MAP4K3: variants seen among roughly 807,000 people sequenced by gnomAD.
MAP4K3 encodes the protein MAPK/ERK kinase kinase kinase 3.
MAP4K3 carries 94 observed loss-of-function variants against 143.5 expected under a neutral mutation model. That is an observed-to-expected ratio of 0.65 (90% CI 0.55 to 0.78). MAP4K3 has a LOEUF of 0.78. MAP4K3 is among the 30% of genes least tolerant of loss of function. The probability of loss-of-function intolerance (pLI) is 0.00; values close to 1 mark genes in which losing one functional copy is unlikely to be tolerated. For missense variants in MAP4K3, 1,077 were observed against 1,068.1 expected, an observed-to-expected ratio of 1.01 and a Z score of -0.12; for synonymous variants, 416 against 347.2, an observed-to-expected ratio of 1.20 and a Z score of -2.20.
chr2:39,370,703 A>G (rs1666056603), intron 2 of MAP4K3, among the ~76,000 whole-genome samples: 1 of 152,214 alleles, frequency 6.6e-6, no homozygotes, highest in South Asian at 2.1e-4. Context: ...TATCAACCTC[A>G]GTAGTTTTCA....
At chr2:39,430,743 T>C (rs543189400) in intron 1 of MAP4K3, among the ~76,000 whole-genome samples, 1 of 152,324 alleles carries the variant, frequency 6.6e-6, no homozygotes, top group South Asian at 2.1e-4. Context: ...ATAACAATTA[T>C]GAACATTGCT....
At chr2:39,305,286 G>A (rs1211479076) in intron 15 of MAP4K3, among the ~76,000 whole-genome samples, 1 of 152,068 alleles carries the variant, frequency 6.6e-6, no homozygotes, top group African/African-American at 2.4e-5. Flanking sequence ...ACTTTAAAAA[G>A]GTGGGGGGCC....
chr2:39,350,083 G>C (rs967664859), intron 3 of MAP4K3, among the ~76,000 whole-genome samples: 1 of 152,174 alleles, frequency 6.6e-6, no homozygotes, highest in African/African-American at 2.4e-5. Context: ...GAGGACAGGG[G>C]TACTAATATT....
At chr2:39,384,367 G>A (rs998301751) in intron 1 of MAP4K3, among the ~76,000 whole-genome samples, 2 of 152,162 alleles carry the variant, frequency 1.3e-5, no homozygotes, top group African/African-American at 4.8e-5. Context: ...CCAATATGAT[G>A]AAACACCATC....
At chr2:39,425,961 T>C (rs1422826594) in intron 1 of MAP4K3, among the ~76,000 whole-genome samples, 2 of 152,202 alleles carry the variant, frequency 1.3e-5, no homozygotes, top group Non-Finnish European at 2.9e-5. Flanking sequence ...ATATTAAAAT[T>C]AGTGGGTACA....
intron 29 of MAP4K3, among the ~76,000 whole-genome samples, chr2:39,260,355 A>T (rs1680517601): frequency 6.6e-6 from 1 of 152,058 alleles, no homozygotes; most frequent in Non-Finnish European, 1.5e-5. Flanking sequence ...GACTCAAGCG[A>T]TCTTCTCACC....
At chr2:39,280,122 G>A in intron 23 of MAP4K3, 150 bp downstream of exon 23, 1 of 486,834 alleles carries the variant, frequency 2.1e-6, no homozygotes, top group East Asian at 3.2e-5. Flanking sequence ...ACAGCACAAA[G>A]AAACATATTT....
chr2:39,417,292 T>G (rs1168838220), intron 1 of MAP4K3, among the ~76,000 whole-genome samples: 1 of 151,228 alleles, frequency 6.6e-6, no homozygotes, highest in Non-Finnish European at 1.5e-5. Flanking sequence ...CAATCTCGGC[T>G]CACTGCAAGC....
intron 30 of MAP4K3, 25 bp downstream of exon 30, chr2:39,258,494 A>G: frequency 6.2e-7 from 1 of 1,606,382 alleles, no homozygotes; most frequent in Non-Finnish European, 8.5e-7. Context: ...TTATTAAAGT[A>G]AGACATTCAT....
intron 1 of MAP4K3, among the ~76,000 whole-genome samples, chr2:39,383,616 GAATTATTAAT>G (rs1666410361): frequency 2.0e-5 from 3 of 151,866 alleles, no homozygotes; most frequent in African/African-American, 7.3e-5. Context: ...TGTACCGGTA[GAATTATTAAT>G]AATTCTACCA....
chr2:39,269,244 AATG>A (rs1412872816), intron 26 of MAP4K3, among the ~76,000 whole-genome samples: 6 of 152,034 alleles, frequency 3.9e-5, no homozygotes, highest in African/African-American at 7.2e-5. Context: ...TTGGCAACTG[AATG>A]ATAAGCATAA....
chr2:39,254,542 A>G, intron 31 of MAP4K3, 22 bp from the exon 32 acceptor site: 1 of 1,596,130 alleles, frequency 6.3e-7, no homozygotes, highest in Non-Finnish European at 8.6e-7. Context: ...GAACAGCTCA[A>G]TTACTGTTAA....
Position 39,437,029 on chromosome 2 carries a change from A to G in MAP4K3, c.-42T>C. ...CCCCCGCCTCCCTCCCGGGCAGGGG[A>G]GGGGGGCCGCTCAGGGGGCCACACG... On this transcript the variant is annotated 5_prime_UTR_variant, in exon 1 of 34. Coordinates refer to ENST00000263881, the MANE Select transcript of MAP4K3 (RefSeq NM_003618.4). 1 of 1,522,524 alleles carries G rather than the reference A, an allele frequency of 6.6e-7. No individual in the cohort carries two copies. The highest frequency in any genetic ancestry group is 9.0e-7 in the Non-Finnish European group (1 of 1,111,658). 94.3% of individuals were successfully genotyped at this position (1,522,524 alleles called of 1,614,324 possible).
intron 1 of MAP4K3, among the ~76,000 whole-genome samples, chr2:39,419,166 C>T (rs558311002): frequency 6.6e-6 from 1 of 151,918 alleles, no homozygotes; most frequent in South Asian, 2.1e-4. Context: ...ATAAGTTTAA[C>T]AAAAAGGTAT....
intron 1 of MAP4K3, among the ~76,000 whole-genome samples, chr2:39,424,145 T>C (rs1248754573): frequency 6.6e-6 from 1 of 152,160 alleles, no homozygotes; most frequent in East Asian, 1.9e-4. Flanking sequence ...GGTTTCACCA[T>C]GTTGGCCAGG....
At chr2:39,397,292 A>G (rs1489516232) in intron 1 of MAP4K3, among the ~76,000 whole-genome samples, 1 of 152,234 alleles carries the variant, frequency 6.6e-6, no homozygotes, top group African/African-American at 2.4e-5. Context: ...TCAGTAAGAT[A>G]GTAACCTATG....
At chr2:39,405,216 C>G (rs572072194) in intron 1 of MAP4K3, among the ~76,000 whole-genome samples, 57 of 152,242 alleles carry the variant, frequency 3.7e-4, no homozygotes, top group African/African-American at 1.3e-3. Flanking sequence ...CCAGGCAGCT[C>G]AGAACAGAGA....
intron 12 of MAP4K3, 61 bp downstream of exon 12, chr2:39,325,457 C>T: frequency 9.0e-7 from 1 of 1,112,592 alleles, no homozygotes; most frequent in Non-Finnish European, 1.3e-6. Context: ...TACATACAGA[C>T]ACACATATAT....
chr2:39,405,939 T>C (rs1356581550), intron 1 of MAP4K3, among the ~76,000 whole-genome samples: 2 of 152,042 alleles, frequency 1.3e-5, no homozygotes, highest in Admixed American at 6.6e-5. Flanking sequence ...TGTGATCTTT[T>C]AGAAAGAGAA....
Sources: allele counts gnomAD v4.1 joint callset (sites outside exome capture counted in the v4.1 genomes callset), GRCh38; gene constraint gnomAD v4.1.1; transcripts MANE v1.5; gene names NCBI Gene and HGNC (gene_info 2026-07-23, HGNC 2026-07-21).